The following FBXO41 variants were observed in gnomAD, a reference collection of about 807,000 sequenced individuals.
FBXO41 encodes the protein F-box protein 41.
A neutral mutation model predicts 81.6 loss-of-function variants in FBXO41; 33 were observed. The observed-to-expected ratio is 0.40, with a 90% CI of 0.31 to 0.54. The LOEUF (loss-of-function observed/expected upper bound fraction) is 0.54. Among genes scored for constraint, FBXO41 ranks in the 20% least tolerant of loss-of-function variants. The pLI, the probability that FBXO41 is intolerant of heterozygous loss-of-function variation, is 0.39. For missense variants in FBXO41, 1,107 were observed against 1,236.0 expected (o/e 0.90, Z 1.56); for synonymous variants, 576 against 552.7 (o/e 1.04, Z -0.59).
rs1488404503 is a variant in FBXO41 at position 73,259,428 on chromosome 2, A to G, written c.2450-132T>C. The G allele has an allele frequency of 2.6e-6, 2 of 755,432 alleles. No homozygotes were observed. Among genetic ancestry groups the G allele is most frequent in the Non-Finnish European group, 4.4e-6 (2 of 451,014 alleles). 46.8% of individuals were successfully genotyped at this position (755,432 alleles called of 1,614,324 possible). On this transcript the variant is annotated intron_variant, in intron 11 of 12. Transcript: ENST00000520530. The surrounding 1 kb of genome is among the most constrained non-coding windows in gnomAD (Gnocchi z 4.2). ...GAACACGACAGAGGAGAGCAGACTCATGCCACCTGGGGGCTGGCGACCGGA... is the reference window on the plus strand; with the variant it reads ...GAACACGACAGAGGAGAGCAGACTCGTGCCACCTGGGGGCTGGCGACCGGA...
Position 73,256,877 on chromosome 2 carries a change from T to A in FBXO41, c.*2105A>T, listed in dbSNP as rs139178798. The A allele has an allele frequency of 3.4e-3, 523 of 152,942 alleles. No homozygotes were observed. Among genetic ancestry groups the A allele is most frequent in the South Asian group, 5.6e-3 (27 of 4,828 alleles). 9.5% of individuals were successfully genotyped at this position (152,942 alleles called of 1,614,324 possible). A position where few individuals can be genotyped will look rare whatever the true frequency, so the allele number is the denominator to read the frequency against. Reference sequence around the variant, plus strand: ...AGAGAAGTTGCCTAGAGCCTTGTATTCAGGGATGGAAGGTCCCTGGGGCAG... The same window carrying A: ...AGAGAAGTTGCCTAGAGCCTTGTATACAGGGATGGAAGGTCCCTGGGGCAG... On this transcript the variant is annotated 3_prime_UTR_variant, in exon 13 of 13. Coordinates refer to ENST00000520530, the MANE Select transcript of FBXO41 (RefSeq NM_001371389.2).
intron 1 of FBXO41, among the ~76,000 whole-genome samples, chr2:73,276,621 G>T (rs28680459): frequency 1.5e-5 from 1 of 64,880 alleles, no homozygotes; most frequent in Admixed American, 1.5e-4. Context: ...AGGGAGAGAG[G>T]GAGAGAATGC....
Position 73,268,802 on chromosome 2 carries a change from C to T in FBXO41, c.829G>A (p.Asp277Asn), listed in dbSNP as rs560505878. 53 of 1,582,984 alleles carry T rather than the reference C, an allele frequency of 3.3e-5. 1 individual carries two copies. In the South Asian group the frequency reaches 6.2e-4, roughly 18 times the overall value. The change falls in exon 2 of 13, where the codon GAC becomes AAC. Residue 277 changes from aspartate to asparagine, a missense_variant. Asp to Asn is a conservative substitution (Grantham distance 23, BLOSUM62 1). This residue lies in a region of FBXO41 where 771 missense variants were observed against 789.2 expected (regional missense o/e 0.98). Coordinates refer to ENST00000520530, the MANE Select transcript of FBXO41 (RefSeq NM_001371389.2). ...GAGGCCAGCAGCTCTACGCTCACGT[C>T]CACCTGGCGGGAGAGCTCAGACGCG... ...ERASELSRQV[D>N]VSVELLASLK...
Position 73,269,404 on chromosome 2 carries a change from ACGGCCAGCAGGGCGGCGGGCT to A in FBXO41, c.206_226del (p.Glu69_Ala75del). 1 of 1,458,260 alleles carries A rather than the reference ACGGCCAGCAGGGCGGCGGGCT, an allele frequency of 6.9e-7. No individual in the cohort carries two copies. The highest frequency in any genetic ancestry group is 9.0e-7 in the Non-Finnish European group (1 of 1,109,830). The allele number at this position is 1,458,260 out of a possible 1,614,324, so 90.3% of individuals were successfully genotyped here. ...GAAGACCTCTCGCCGGGCGCCGGGC[ACGGCCAGCAGGGCGGCGGGCT>A]CGGGAGCCAGCGGGAACCCCGAGGC... On this transcript the variant is annotated inframe_deletion, in exon 2 of 13. Coordinates refer to ENST00000520530, the MANE Select transcript of FBXO41 (RefSeq NM_001371389.2). This position sits in a 1 kb window ranked among gnomAD's most constrained non-coding sequence, Gnocchi z 7.0.
Position 73,265,981 on chromosome 2 carries a change from A to G in FBXO41, c.1132-15T>C. 3.8e-6 allele frequency: 6 copies of G among 1,563,498 alleles called. No homozygotes were observed. The highest frequency in any genetic ancestry group is 5.2e-6 in the Non-Finnish European group (6 of 1,152,666). On this transcript the variant is annotated splice_polypyrimidine_tract_variant and intron_variant, in intron 3 of 12. Coordinates refer to ENST00000520530, the MANE Select transcript of FBXO41 (RefSeq NM_001371389.2). ...TGGTGTTCTCGCTGTGGGCCCCCAG[A>G]GCAGGAGGTAAAGGAGAGGGGCGGA...
Position 73,259,200 on chromosome 2 carries a change from T to C in FBXO41, c.2546A>G (p.Asp849Gly). 6.2e-7 allele frequency: 1 copy of C among 1,614,008 alleles called. No homozygotes were observed. The highest frequency in any genetic ancestry group is 1.7e-5 in the Admixed American group (1 of 60,032). Reference protein sequence around the residue: ...SSPEAQKLFEDMVTKLQALRR... With the variant: ...SSPEAQKLFEGMVTKLQALRR... ...CCTCACCTGGAGTTTTGTCACCATG[T>C]CCTCAAACAGCTTCTGGGCCTCAGG... The change falls in exon 12 of 13, where the codon GAC (aspartate) becomes GGC (glycine). Residue 849 changes from aspartate (D) to glycine (G), a missense_variant. Asp to Gly is a moderately conservative substitution (Grantham distance 94). Transcript: ENST00000520530. The surrounding 1 kb of genome is among the most constrained non-coding windows in gnomAD (Gnocchi z 4.2).
In FBXO41 at chr2:73,268,871, C is replaced by G. The variant is rs760756446; in HGVS notation, c.760G>C (p.Glu254Gln). 21 of 1,562,944 alleles carry G rather than the reference C, an allele frequency of 1.3e-5. No individual in the cohort carries two copies. The highest frequency in any genetic ancestry group is 1.8e-5 in the Non-Finnish European group (21 of 1,156,132). The change falls in exon 2 of 13, where the codon GAG (glutamate) becomes CAG (glutamine). Residue 254 changes from glutamate (E) to glutamine (Q), a missense_variant. By Grantham distance (29) the Glu-to-Gln change is conservative (BLOSUM62 2). Transcript: ENST00000520530. ...TTCTCGCGCCCGAGCCTCGCACTCT[C>G]CTGCCGCGCAGTCTCCAGTTCGGCC... ...KAAELETARQ[E>Q]SARLGREKEE...
intron 2 of FBXO41, 134 bp downstream of exon 2, chr2:73,268,592 T>C: frequency 1.2e-6 from 1 of 854,678 alleles, no homozygotes. Context: ...CCCACATGCA[T>C]GCTCCTGGCC....
chr2:73,266,309 G>T lies in FBXO41; in HGVS notation c.1131+148C>A, dbSNP rs75343146. 4.0e-6 allele frequency: 4 copies of T among 997,658 alleles called. No individual in the cohort carries two copies. Among genetic ancestry groups the T allele is most frequent in the East Asian group, 2.7e-5 (1 of 36,556 alleles). The allele number at this position is 997,658 out of a possible 1,614,324, so 61.8% of individuals were successfully genotyped here. A position where few individuals can be genotyped will look rare whatever the true frequency, so the allele number is the denominator to read the frequency against. The stretch of plus-strand genomic sequence containing the variant: ...CTGGCACTCCTGCCCAATCAAAGGG[G>T]CTCCCCTGTTCCTGGCATCTGCTGG... On this transcript the variant is annotated intron_variant, in intron 3 of 12. Transcript: ENST00000520530. The surrounding 1 kb of genome is among the most constrained non-coding windows in gnomAD (Gnocchi z 5.3).
At chr2:73,264,097 C>T (rs1193637210) in intron 6 of FBXO41, 44 bp from the exon 7 acceptor site, 2 of 1,560,196 alleles carry the variant, frequency 1.3e-6, no homozygotes, top group African/African-American at 2.7e-5. Context: ...GGGGTCTGAA[C>T]TTGGTTGGCT....
rs1574372810 is a variant in FBXO41 at position 73,257,883 on chromosome 2, T to A, written c.*1099A>T. On this transcript the variant is annotated 3_prime_UTR_variant, in exon 13 of 13. Coordinates refer to ENST00000520530, the MANE Select transcript of FBXO41 (RefSeq NM_001371389.2). The surrounding 1 kb of genome is among the most constrained non-coding windows in gnomAD (Gnocchi z 4.6). Reference sequence around the variant, plus strand: ...GAAGGGGGAGTGAGTCTATTGAGGATGCTCTTCCTCTTCCTTGGCCCCATG... The same window carrying A: ...GAAGGGGGAGTGAGTCTATTGAGGAAGCTCTTCCTCTTCCTTGGCCCCATG... 6.6e-6 allele frequency: 1 copy of A among 152,192 alleles called. No homozygotes were observed. Among genetic ancestry groups the A allele is most frequent in the Non-Finnish European group, 1.5e-5 (1 of 68,042 alleles). 9.4% of individuals were successfully genotyped at this position (152,192 alleles called of 1,614,324 possible).
intron 5 of FBXO41, 27 bp downstream of exon 5, chr2:73,265,254 TC>T: frequency 6.4e-7 from 1 of 1,560,952 alleles, no homozygotes; most frequent in Non-Finnish European, 8.6e-7. Flanking sequence ...CAGACCTGTG[TC>T]CCCCTGCCCA....
intron 7 of FBXO41, 53 bp from the exon 8 acceptor site, chr2:73,263,883 T>G: frequency 6.2e-7 from 1 of 1,613,958 alleles, no homozygotes; most frequent in Admixed American, 1.7e-5. Flanking sequence ...CTGGGAAACT[T>G]AATTCCAGGT....
At position 73,269,393 on chromosome 2, in the gene FBXO41, G is replaced by C. The variant is rs1226160252; in HGVS notation, c.238C>G (p.Arg80Gly). ...GAAGTGCTCTCGAAGACCTCTCGCC[G>C]GGCGCCGGGCACGGCCAGCAGGGCG... is the stretch of plus-strand genomic sequence containing the variant. ...PAALLAVPGA[R>G]REVFESTSFQ... is the part of the protein sequence containing the mutation. Residue 80 changes from arginine to glycine, a missense_variant, in exon 2 of 13, where the codon CGG (arginine) becomes GGG (glycine). Coordinates refer to ENST00000520530, the MANE Select transcript of FBXO41 (RefSeq NM_001371389.2). This position sits in a 1 kb window ranked among gnomAD's most constrained non-coding sequence, Gnocchi z 7.0. 22 of 1,467,954 alleles carry C rather than the reference G, an allele frequency of 1.5e-5. No individual in the cohort carries two copies. In the Admixed American group the frequency reaches 2.7e-4, roughly 18 times the overall value. The allele number at this position is 1,467,954 out of a possible 1,614,324, so 90.9% of individuals were successfully genotyped here. A position where few individuals can be genotyped will look rare whatever the true frequency, so the allele number is the denominator to read the frequency against.
chr2:73,273,282 G>A (rs1458014797), intron 1 of FBXO41, among the ~76,000 whole-genome samples: 2 of 152,180 alleles, frequency 1.3e-5, no homozygotes, highest in African/African-American at 4.8e-5. Flanking sequence ...AGTTTGGTGA[G>A]GGATAGTTGC....
intron 9 of FBXO41, among the ~76,000 whole-genome samples, chr2:73,262,997 A>G (rs7591768): frequency 0.32 from 49,186 of 152,160 alleles, 8,323 homozygotes; most frequent in Non-Finnish European, 0.38. Context: ...CGCCCGACTC[A>G]GCCTCTCAAA....
chr2:73,259,030 C>T lies in FBXO41; in HGVS notation c.2580G>A (p.Arg860=), dbSNP rs200807832. ...TGTGCAGAATCTTAGAGAAGCCGGG[C>T]CTCCGTCGCAGAGCCTGCGGACCGA... The part of the protein sequence containing the change: ...MVTKLQALRR[R]PGFSKILHIK... Residue 860 remains arginine (R), a synonymous_variant, in exon 13 of 13, where the codon AGG becomes AGA. Coordinates refer to ENST00000520530, the MANE Select transcript of FBXO41 (RefSeq NM_001371389.2). The surrounding 1 kb of genome is among the most constrained non-coding windows in gnomAD (Gnocchi z 4.2). 1.5e-3 allele frequency: 2,385 copies of T among 1,600,872 alleles called. 2 individuals are homozygous for T. Among genetic ancestry groups the T allele is most frequent in the Non-Finnish European group, 1.8e-3 (2,170 of 1,173,790 alleles).
Position 73,260,623 on chromosome 2 carries a change from C to A in FBXO41, c.2291-76G>T, listed in dbSNP as rs766532299. On this transcript the variant is annotated intron_variant, in intron 10 of 12. Transcript: ENST00000520530. The surrounding 1 kb of genome is among the most constrained non-coding windows in gnomAD (Gnocchi z 5.0). The stretch of plus-strand genomic sequence containing the variant: ...CTGCAGCCAGCACCCTGGCTACCAC[C>A]CTGCCACCTGCCACCACCCAGGCTG... 1.3e-6 allele frequency: 2 copies of A among 1,535,714 alleles called. No individual in the cohort carries two copies. Among genetic ancestry groups the A allele is most frequent in the Non-Finnish European group, 1.8e-6 (2 of 1,136,264 alleles).
Position 73,269,058 on chromosome 2 carries a change from G to C in FBXO41, c.573C>G (p.Pro191=). The change falls in exon 2 of 13, where the codon CCC becomes CCG. Residue 191 remains proline (P), a synonymous_variant. Coordinates refer to ENST00000520530, the MANE Select transcript of FBXO41 (RefSeq NM_001371389.2). The surrounding 1 kb of genome is among the most constrained non-coding windows in gnomAD (Gnocchi z 7.0). Reference sequence around the variant, plus strand: ...CTTCGTAGGCCACATCAGCGGGTGAGGGGGACGCGGGCGAAGCGGAGGCAG... The same window carrying C: ...CTTCGTAGGCCACATCAGCGGGTGACGGGGACGCGGGCGAAGCGGAGGCAG... ...PGPASASPAS[P]SPADVAYEEG... 6.6e-7 allele frequency: 1 copy of C among 1,525,492 alleles called. No homozygotes were observed. Among genetic ancestry groups the C allele is most frequent in the South Asian group, 1.2e-5 (1 of 82,394 alleles). The allele number at this position is 1,525,492 out of a possible 1,614,324, so 94.5% of individuals were successfully genotyped here.
Sources: gnomAD v4.1 joint callset for allele counts (sites outside exome capture counted in the v4.1 genomes callset) on GRCh38, gnomAD v4.1.1 for gene constraint, gnomAD v4.1.1 regional missense constraint, Gnocchi (gnomAD v3.1) non-coding constraint, MANE v1.5 for transcripts, NCBI Gene and HGNC (gene_info 2026-07-23, HGNC 2026-07-21) for gene names.